The following FER1L6 variants were observed in gnomAD, a reference collection of about 807,000 sequenced individuals.
FER1L6 encodes fer-1 like family member 6.
Under a neutral mutation model 219.2 loss-of-function variants are expected in FER1L6, and 177 were observed. The ratio of observed to expected loss-of-function variants is 0.81; its 90% CI spans 0.71 to 0.91. The LOEUF is 0.91. Among genes scored for constraint, FER1L6 ranks in the 40% least tolerant of loss-of-function variants. The pLI is 0.00. For missense variants in FER1L6, 2,153 were observed against 2,259.9 expected, an observed-to-expected ratio of 0.95 and a Z score of 0.96; for synonymous variants, 768 against 824.3, an observed-to-expected ratio of 0.93 and a Z score of 1.17.
At chr8:124,086,980 T>C (rs1176864598) in intron 33 of FER1L6, among the ~76,000 whole-genome samples, 1 of 152,188 alleles carries the variant, frequency 6.6e-6, no homozygotes, top group Non-Finnish European at 1.5e-5. Flanking sequence ...CCTTTGTATG[T>C]TATTTCTTTT....
rs554166480 is a variant in FER1L6 at position 124,027,604 on chromosome 8, G to A, written c.2286+4008G>A. On this transcript the variant is annotated intron_variant, in intron 18 of 40. Coordinates refer to ENST00000522917, the MANE Select transcript of FER1L6 (RefSeq NM_001039112.2). ...AGACAGCACCTTATTCTATTGCCAAGTCTGGAGTGCAGTGATAAAATCACA... is the reference window on the plus strand; with the variant it reads ...AGACAGCACCTTATTCTATTGCCAAATCTGGAGTGCAGTGATAAAATCACA... Among the ~76,000 whole-genome samples the A allele has an allele frequency of 5.3e-5, 8 of 152,310 alleles. No homozygotes were observed. In the South Asian group the frequency reaches 1.7e-3, roughly 32 times the overall value.
intron 5 of FER1L6, 104 bp from the exon 6 acceptor site, chr8:123,969,931 T>C: frequency 2.4e-6 from 2 of 820,910 alleles, no homozygotes; most frequent in Non-Finnish European, 2.2e-6. Context: ...TATATATTCA[T>C]GCAGCAGTTG....
rs144738914 is a variant in FER1L6, at chr8:123,937,126, G to A, written c.-7-18866G>A. Among the ~76,000 whole-genome samples, 949 of 152,116 alleles carry A rather than the reference G, an allele frequency of 6.2e-3. 2 individuals carry two copies. Among genetic ancestry groups the A allele is most frequent in the Non-Finnish European group, 0.011 (732 of 67,972 alleles). On this transcript the variant is annotated intron_variant, in intron 1 of 40. Coordinates refer to ENST00000522917, the MANE Select transcript of FER1L6 (RefSeq NM_001039112.2). ...TCACCATGTTGGCCAGGCTGGTCTC[G>A]AACTCCAGACGTTAAGGTGGTCCGT...
rs1823361521 is a variant in FER1L6 at position 124,118,903 on chromosome 8, T to C, written c.5349T>C (p.Val1783=). 10 of 1,614,004 alleles carry C rather than the reference T, an allele frequency of 6.2e-6. No individual in the cohort carries two copies. The highest frequency in any genetic ancestry group is 8.5e-6 in the Non-Finnish European group (10 of 1,179,938). Residue 1783 remains valine (V), a synonymous_variant, in exon 40 of 41, where the codon GTT becomes GTC. Coordinates refer to ENST00000522917, the MANE Select transcript of FER1L6 (RefSeq NM_001039112.2). ...CAGAAGAAGCTGAGAAAAATCCTGT[T>C]GGAAAAGCCCGAAAGGAGCCAGAGC... ...VTAEEAEKNP[V]GKARKEPEPL...
chr8:124,090,177 G>A (rs1385572427), intron 33 of FER1L6, among the ~76,000 whole-genome samples: 1 of 152,148 alleles, frequency 6.6e-6, no homozygotes. Flanking sequence ...CAGACTCTGA[G>A]CGCCTATATC....
chr8:123,937,223 A>G (rs944266622), intron 1 of FER1L6, among the ~76,000 whole-genome samples: 2 of 152,246 alleles, frequency 1.3e-5, no homozygotes, highest in Admixed American at 1.3e-4. Context: ...AGAACACTTA[A>G]TAATGCTCAC....
chr8:124,102,258 TG>T (rs1314979352), intron 38 of FER1L6, among the ~76,000 whole-genome samples: 1 of 152,152 alleles, frequency 6.6e-6, no homozygotes, highest in Non-Finnish European at 1.5e-5. Flanking sequence ...TTCAGATGGT[TG>T]GGGGGCTTAA....
In FER1L6 at chr8:124,119,885, G is replaced by C; in HGVS notation, c.*95G>C. 1.6e-6 allele frequency: 2 copies of C among 1,289,876 alleles called. No homozygotes were observed. Among genetic ancestry groups the C allele is most frequent in the Non-Finnish European group, 2.1e-6 (2 of 934,946 alleles). The allele number at this position is 1,289,876 out of a possible 1,614,324, so 79.9% of individuals were successfully genotyped here. On this transcript the variant is annotated 3_prime_UTR_variant, in exon 41 of 41. Transcript: ENST00000522917. ...CATGTCCCATGCATGGCACTGTGCT[G>C]AGTGCTAAGGGGACAGATCAACCCT...
Position 124,045,916 on chromosome 8 carries a change from G to T in FER1L6, c.2724+15G>T. 1 of 1,613,114 alleles carries T rather than the reference G, an allele frequency of 6.2e-7. No individual in the cohort carries two copies. Among genetic ancestry groups the T allele is most frequent in the Non-Finnish European group, 8.5e-7 (1 of 1,179,822 alleles). On this transcript the variant is annotated intron_variant, in intron 21 of 40. Transcript: ENST00000522917. ...GCGACGCTGTGGTGAGTGTCCCCCTGGGCCAGTGCTGACCACACCTCATAA... is the reference window on the plus strand; with the variant it reads ...GCGACGCTGTGGTGAGTGTCCCCCTTGGCCAGTGCTGACCACACCTCATAA...
rs949105605 is a variant in FER1L6, at chr8:124,106,290, C to T, written c.5289+2981C>T. On this transcript the variant is annotated intron_variant, in intron 39 of 40. Coordinates refer to ENST00000522917, the MANE Select transcript of FER1L6 (RefSeq NM_001039112.2). ...CTTGCAGTGAGCCGAGATCGTGCCA[C>T]TGCACTCCAGCCTGGGCGACAGAGT... Among the ~76,000 whole-genome samples the T allele has an allele frequency of 2.3e-5, 3 of 128,024 alleles. No individual in the cohort carries two copies. The Admixed American group carries it at 2.9e-4, about 13-fold the overall frequency. 84.0% of individuals were successfully genotyped at this position (128,024 alleles called of 152,430 possible). A position where few individuals can be genotyped will look rare whatever the true frequency, so the allele number is the denominator to read the frequency against.
At chr8:124,023,877 T>C (rs905727815) in intron 18 of FER1L6, among the ~76,000 whole-genome samples, 2 of 149,306 alleles carry the variant, frequency 1.3e-5, no homozygotes, top group African/African-American at 5.0e-5. Context: ...TGATTACTAG[T>C]ATTAATAACA....
intron 2 of FER1L6, among the ~76,000 whole-genome samples, chr8:123,961,940 A>G (rs1586521150): frequency 7.4e-6 from 1 of 135,656 alleles, no homozygotes; most frequent in African/African-American, 2.9e-5. Flanking sequence ...CCTAGGCTGG[A>G]GGGCAGTGGC....
chr8:123,943,690 T>C (rs1022593454), intron 1 of FER1L6, among the ~76,000 whole-genome samples: 2 of 152,114 alleles, frequency 1.3e-5, no homozygotes, highest in South Asian at 4.1e-4. Flanking sequence ...GTGAGGTCTG[T>C]TGCTCTGCTT....
At chr8:123,873,754 G>C (rs1248740838) in intron 1 of FER1L6, among the ~76,000 whole-genome samples, 2 of 152,116 alleles carry the variant, frequency 1.3e-5, no homozygotes, top group East Asian at 1.9e-4. Flanking sequence ...GTCATCTTCT[G>C]TTCTACCACA....
At chr8:123,932,596 C>G (rs2129929054) in intron 1 of FER1L6, among the ~76,000 whole-genome samples, 1 of 152,158 alleles carries the variant, frequency 6.6e-6, no homozygotes, top group Middle Eastern at 3.4e-3. Context: ...TTCAAATTAG[C>G]CAAAGCAGGA....
At chr8:124,045,688 A>G in intron 20 of FER1L6, 79 bp from the exon 21 acceptor site, 1 of 1,449,318 alleles carries the variant, frequency 6.9e-7, no homozygotes, top group South Asian at 1.2e-5. Context: ...TCCCCTGTAT[A>G]AGTATTTGAT....
intron 1 of FER1L6, among the ~76,000 whole-genome samples, chr8:123,859,428 T>C (rs1816705715): frequency 6.6e-6 from 1 of 152,172 alleles, no homozygotes; most frequent in African/African-American, 2.4e-5. Context: ...AAATCTATCT[T>C]AGCAACTTTG....
At chr8:123,985,226 T>G (rs1816511960) in intron 11 of FER1L6, 1 of 152,166 alleles carries the variant, frequency 6.6e-6, no homozygotes, top group African/African-American at 2.4e-5. Context: ...TGAGCATTAG[T>G]TTATTCAGGT....
At chr8:123,875,756 T>C (rs1216737599) in intron 1 of FER1L6, among the ~76,000 whole-genome samples, 1 of 152,130 alleles carries the variant, frequency 6.6e-6, no homozygotes, top group Non-Finnish European at 1.5e-5. Context: ...ATTTCTCAAG[T>C]TTCTCAGGCA....
Sources: allele counts gnomAD v4.1 joint callset (sites outside exome capture counted in the v4.1 genomes callset), GRCh38; gene constraint gnomAD v4.1.1; transcripts MANE v1.5; gene names NCBI Gene and HGNC (gene_info 2026-07-23, HGNC 2026-07-21).